FARP1: variants seen among roughly 807,000 people sequenced by gnomAD.
FARP1 encodes FERM, ARHGEF and pleckstrin domain-containing protein 1.
Under a neutral mutation model 128.8 loss-of-function variants are expected in FARP1, and 52 were observed. The ratio of observed to expected loss-of-function variants is 0.40; its 90% CI spans 0.32 to 0.51. The LOEUF (loss-of-function observed/expected upper bound fraction) is 0.51, where lower values mean the gene tolerates loss of function less well. Ranked by LOEUF, FARP1 falls within the 20% of genes least tolerant of loss-of-function variation. The probability of loss-of-function intolerance (pLI) is 0.45; values close to 1 mark genes in which losing one functional copy is unlikely to be tolerated. For missense variants in FARP1, 1,333 were observed against 1,367.9 expected (o/e 0.97, Z 0.40); for synonymous variants, 580 against 551.8 (o/e 1.05, Z -0.72).
At position 98,179,235 on chromosome 13, in the gene FARP1, T is replaced by C. The variant is rs573919993; in HGVS notation, c.-23-33985T>C. 2.9e-4 allele frequency among the ~76,000 whole-genome samples: 44 copies of C among 152,242 alleles called. 1 individual carries two copies. The South Asian group carries it at 9.1e-3, about 32-fold the overall frequency. ...AGACGAGAACAGAATGAGAACCAAG[T>C]GAAAGGGGTTTGCCCTTATAAAACC... On this transcript the variant is annotated intron_variant, in intron 1 of 26. Coordinates refer to ENST00000319562, the MANE Select transcript of FARP1 (RefSeq NM_005766.4).
intron 1 of FARP1, among the ~76,000 whole-genome samples, chr13:98,156,466 T>C (rs1264335354): frequency 6.6e-6 from 1 of 152,238 alleles, no homozygotes; most frequent in African/African-American, 2.4e-5. Flanking sequence ...TGGAGTGCAG[T>C]GGCACAATCA....
Position 98,266,244 on chromosome 13 carries a change from C to T in FARP1, c.171+52831C>T, listed in dbSNP as rs577988438. Among the ~76,000 whole-genome samples, 3 of 152,258 alleles carry T rather than the reference C, an allele frequency of 2.0e-5. No homozygotes were observed. In the East Asian group the frequency reaches 5.8e-4, roughly 29 times the overall value. ...ATTGGCAGCGATTTGTACATTATTT[C>T]ATCCCATTCCTGTGTGATCCATCTG... On this transcript the variant is annotated intron_variant, in intron 2 of 26. Transcript: ENST00000319562.
rs778595557 is a variant in FARP1, at chr13:98,439,979, G to A, written c.2452G>A (p.Glu818Lys). ...YGMTIEESED[E>K]WGVPHCLTLR... is the part of the protein sequence containing the mutation. Reference sequence around the variant, plus strand: ...CCCACAGATTGAGGAGAGCGAAGACGAGTGGGGGGTGCCCCACTGCCTGAC... The same window carrying A: ...CCCACAGATTGAGGAGAGCGAAGACAAGTGGGGGGTGCCCCACTGCCTGAC... Residue 818 changes from glutamate to lysine, a missense_variant, in exon 22 of 27, where the codon GAG (glutamate) becomes AAG (lysine). Around this residue, in one of 2 missense-constraint regions of FARP1, gnomAD observed 1,009 missense variants for 969.8 expected, o/e 1.04. Transcript: ENST00000319562. The A allele has an allele frequency of 5.0e-6, 8 of 1,586,188 alleles. No homozygotes were observed. Among genetic ancestry groups the A allele is most frequent in the Admixed American group, 3.4e-5 (2 of 58,144 alleles).
chr13:98,309,152 CCTTTTTTT>C lies in FARP1; in HGVS notation c.172-34609_172-34602del, dbSNP rs1253562524. Among the ~76,000 whole-genome samples the C allele has an allele frequency of 1.2e-3, 130 of 106,184 alleles. 1 individual carries two copies. The highest frequency in any genetic ancestry group is 4.5e-3 in the African/African-American group (121 of 26,840). The allele number at this position is 106,184 out of a possible 152,430, so 69.7% of individuals were successfully genotyped here. On this transcript the variant is annotated intron_variant, in intron 2 of 26. Transcript: ENST00000319562. The stretch of plus-strand genomic sequence containing the variant: ...ATATATTAATATTAATTTTAAGAGG[CCTTTTTTT>C]TTTTTTTTTTTTTTTTTTTTTTTGG...
In FARP1 at chr13:98,440,199, G is replaced by A. The variant is rs140457168; in HGVS notation, c.2593G>A (p.Ala865Thr). The change falls in exon 23 of 27, where the codon GCC becomes ACC. Residue 865 changes from alanine to threonine, a missense_variant. Around this residue, in one of 2 missense-constraint regions of FARP1, gnomAD observed 1,009 missense variants for 969.8 expected, o/e 1.04. Transcript: ENST00000319562. ...CCTGGCGGAGAAGAGCAGCAGCCCCGCCCCTGAGTTCCTGGCCAGCAGCCC... is the reference window on the plus strand; with the variant it reads ...CCTGGCGGAGAAGAGCAGCAGCCCCACCCCTGAGTTCCTGGCCAGCAGCCC... ...IDLAEKSSSP[A>T]PEFLASSPPD... 8.9e-5 allele frequency: 143 copies of A among 1,613,848 alleles called. No homozygotes were observed. The highest frequency in any genetic ancestry group is 4.0e-4 in the African/African-American group (30 of 74,892).
chr13:98,247,910 G>A (rs1883146818), intron 2 of FARP1, among the ~76,000 whole-genome samples: 1 of 152,224 alleles, frequency 6.6e-6, no homozygotes, highest in South Asian at 2.1e-4. Flanking sequence ...TGTATTGAAT[G>A]CTGGACACTT....
rs191679597 is a variant in FARP1, at chr13:98,378,977, C to A, written c.496+1059C>A. Reference sequence around the variant, plus strand: ...ATATATAATATATACAATATATAATCTATATATAATATATATATAATATAT... The same window carrying A: ...ATATATAATATATACAATATATAATATATATATAATATATATATAATATAT... On this transcript the variant is annotated intron_variant, in intron 6 of 26. Coordinates refer to ENST00000319562, the MANE Select transcript of FARP1 (RefSeq NM_005766.4). Among the ~76,000 whole-genome samples the A allele has an allele frequency of 6.4e-3, 346 of 54,068 alleles. 20 individuals are homozygous for A. Among genetic ancestry groups the A allele is most frequent in the African/African-American group, 0.033 (279 of 8,474 alleles). The allele number at this position is 54,068 out of a possible 152,430, so 35.5% of individuals were successfully genotyped here.
chr13:98,393,730 CGCTGTCCTATGATAACTCT>C lies in FARP1; in HGVS notation c.1164+16_1164+34del. 6.2e-7 allele frequency: 1 copy of C among 1,604,362 alleles called. No individual in the cohort carries two copies. Among genetic ancestry groups the C allele is most frequent in the Non-Finnish European group, 8.5e-7 (1 of 1,171,316 alleles). On this transcript the variant is annotated intron_variant, in intron 12 of 26. Coordinates refer to ENST00000319562, the MANE Select transcript of FARP1 (RefSeq NM_005766.4). ...AAGTGCTGGAGCAGGTCAGTGATGG[CGCTGTCCTATGATAACTCT>C]GCTTTTCCCCACACTTCCTCCACGG...
At chr13:98,379,807 G>C (rs913329113) in intron 6 of FARP1, among the ~76,000 whole-genome samples, 12 of 152,108 alleles carry the variant, frequency 7.9e-5, no homozygotes, top group African/African-American at 2.9e-4. Context: ...TTAGATGTTT[G>C]GTATAGATGC....
chr13:98,329,684 G>A (rs1887403042), intron 2 of FARP1: 2 of 152,090 alleles, frequency 1.3e-5, no homozygotes, highest in South Asian at 2.1e-4. Flanking sequence ...ATTTTCCCTA[G>A]TTGGCTTTAG....
At chr13:98,231,342 G>A (rs1027623718) in intron 2 of FARP1, among the ~76,000 whole-genome samples, 2 of 150,040 alleles carry the variant, frequency 1.3e-5, no homozygotes, top group Admixed American at 1.3e-4. Flanking sequence ...GGCAGTCAAG[G>A]AAAGCAGAAG....
At chr13:98,362,029 C>T (rs1161138460) in intron 3 of FARP1, among the ~76,000 whole-genome samples, 5 of 152,106 alleles carry the variant, frequency 3.3e-5, no homozygotes, top group African/African-American at 1.2e-4. Flanking sequence ...TTTGGGAGGC[C>T]GAGGCAGGTG....
At chr13:98,271,093 G>A (rs1421233875) in intron 2 of FARP1, among the ~76,000 whole-genome samples, 1 of 152,194 alleles carries the variant, frequency 6.6e-6, no homozygotes, top group Non-Finnish European at 1.5e-5. Flanking sequence ...TGACAGAAGA[G>A]CTGAAAGCAG....
At chr13:98,224,328 CCATCCTGGCTAACAT>C (rs1384638406) in intron 2 of FARP1, among the ~76,000 whole-genome samples, 1 of 151,614 alleles carries the variant, frequency 6.6e-6, no homozygotes, top group Non-Finnish European at 1.5e-5. Context: ...GAGATCAAGA[CCATCCTGGCTAACAT>C]GGTGAAACCC....
intron 5 of FARP1, among the ~76,000 whole-genome samples, chr13:98,371,200 C>G (rs1472364115): frequency 6.8e-6 from 1 of 147,390 alleles, no homozygotes; most frequent in Admixed American, 6.9e-5. Flanking sequence ...ATCCTGTATC[C>G]CCTCACCCCC....
intron 1 of FARP1, among the ~76,000 whole-genome samples, chr13:98,206,484 G>A (rs1172100412): frequency 6.6e-6 from 1 of 152,128 alleles, no homozygotes; most frequent in Non-Finnish European, 1.5e-5. Flanking sequence ...TTTTATCTGA[G>A]ATCTGTAGCC....
At chr13:98,300,940 C>T (rs967357075) in intron 2 of FARP1, among the ~76,000 whole-genome samples, 1 of 152,162 alleles carries the variant, frequency 6.6e-6, no homozygotes, top group African/African-American at 2.4e-5. Context: ...CCTGGATGAT[C>T]TCTCAGGTCT....
intron 3 of FARP1, among the ~76,000 whole-genome samples, chr13:98,349,307 A>C (rs1388759625): frequency 6.6e-6 from 1 of 152,214 alleles, no homozygotes; most frequent in African/African-American, 2.4e-5. Flanking sequence ...GTAGGCACTC[A>C]GATATCTGTT....
intron 3 of FARP1, among the ~76,000 whole-genome samples, chr13:98,354,236 G>C (rs1888553624): frequency 6.6e-6 from 1 of 152,190 alleles, no homozygotes. Context: ...TTGCAGATCT[G>C]TCTTTAATTT....
Sources: allele counts gnomAD v4.1 joint callset (sites outside exome capture counted in the v4.1 genomes callset), GRCh38; gene constraint gnomAD v4.1.1; regional missense constraint gnomAD v4.1.1; transcripts MANE v1.5; gene names NCBI Gene and HGNC (gene_info 2026-07-23, HGNC 2026-07-21).